The following NELL1 variants were observed in gnomAD, a reference collection of about 807,000 sequenced individuals.
NELL1 encodes neural EGFL like 1.
A neutral mutation model predicts 107.4 loss-of-function variants in NELL1; 76 were observed. The ratio of observed to expected loss-of-function variants is 0.71; its 90% confidence interval spans 0.59 to 0.86. The LOEUF (loss-of-function observed/expected upper bound fraction) is 0.86, where lower values mean the gene tolerates loss of function less well. NELL1 is among the 40% of genes least tolerant of loss of function. The pLI is 0.00. For synonymous variants in NELL1, 353 were observed against 341.2 expected, an observed-to-expected ratio of 1.03 and a Z score of -0.38; for missense variants, 1,024 against 1,005.5, an observed-to-expected ratio of 1.02 and a Z score of -0.25.
chr11:20,758,531 G>C (rs540313001), intron 2 of NELL1, among the ~76,000 whole-genome samples: 1 of 152,268 alleles, frequency 6.6e-6, no homozygotes, highest in African/African-American at 2.4e-5. Context: ...TTGTATCAGG[G>C]GTAGTGAGTG....
chr11:21,278,574 A>G (rs1326440424), intron 14 of NELL1, among the ~76,000 whole-genome samples: 1 of 152,166 alleles, frequency 6.6e-6, no homozygotes, highest in East Asian at 1.9e-4. Context: ...TTAGATTTAA[A>G]TCTAACAAAA....
At chr11:20,896,211 A>G (rs1031123074) in intron 5 of NELL1, among the ~76,000 whole-genome samples, 139 of 152,196 alleles carry the variant, frequency 9.1e-4, no homozygotes, top group African/African-American at 3.2e-3. Flanking sequence ...CTTAGCTCCC[A>G]CTTATAAGTG....
intron 12 of NELL1, among the ~76,000 whole-genome samples, chr11:21,101,459 T>G (rs1407297098): frequency 6.6e-6 from 1 of 152,174 alleles, no homozygotes; most frequent in Non-Finnish European, 1.5e-5. Context: ...CCAACAACAG[T>G]GTAAAAGTGT....
chr11:20,711,980 G>C lies in NELL1; in HGVS notation c.184+33920G>C, dbSNP rs147754648. Among the ~76,000 whole-genome samples the C allele has an allele frequency of 7.2e-5, 11 of 152,122 alleles. No homozygotes were observed. In the East Asian group the frequency reaches 1.7e-3, roughly 24 times the overall value. On this transcript the variant is annotated intron_variant, in intron 2 of 19. Transcript: ENST00000357134. The stretch of plus-strand genomic sequence containing the variant: ...AGATCTTTAGTTCTTTGAGCTTCTT[G>C]TCTAGCTGTCTAGATCTTTAGTAAG...
intron 15 of NELL1, among the ~76,000 whole-genome samples, chr11:21,374,385 T>G (rs1220697420): frequency 6.6e-6 from 1 of 151,894 alleles, no homozygotes; most frequent in East Asian, 1.9e-4. Context: ...GAGGCCTCAG[T>G]TTTTCATTTT....
At chr11:21,137,046 G>T (rs1217106111) in intron 13 of NELL1, among the ~76,000 whole-genome samples, 1 of 152,208 alleles carries the variant, frequency 6.6e-6, no homozygotes, top group Middle Eastern at 3.2e-3. Flanking sequence ...TCTTACAGAA[G>T]AGAGAAGGAG....
intron 15 of NELL1, among the ~76,000 whole-genome samples, chr11:21,417,327 CT>C (rs1852542038): frequency 6.6e-6 from 1 of 151,838 alleles, no homozygotes; most frequent in African/African-American, 2.4e-5. Context: ...CATTTCTTAC[CT>C]TTTTGGTGGT....
At chr11:20,820,000 G>A (rs1857714920) in intron 3 of NELL1, among the ~76,000 whole-genome samples, 1 of 152,162 alleles carries the variant, frequency 6.6e-6, no homozygotes, top group African/African-American at 2.4e-5. Flanking sequence ...ACTGGAGAGT[G>A]AGATAAGGTT....
intron 14 of NELL1, among the ~76,000 whole-genome samples, chr11:21,298,486 C>T (rs889975868): frequency 2.0e-5 from 3 of 152,030 alleles, no homozygotes; most frequent in Non-Finnish European, 4.4e-5. Flanking sequence ...TGATCTCTTA[C>T]TCTTTCTGGA....
chr11:20,817,600 T>C (rs1376709360), intron 3 of NELL1, among the ~76,000 whole-genome samples: 1 of 152,102 alleles, frequency 6.6e-6, no homozygotes, highest in East Asian at 1.9e-4. Context: ...TTTGGTTTTG[T>C]TGATCCTTTG....
At chr11:21,190,775 T>A (rs1190092139) in intron 13 of NELL1, among the ~76,000 whole-genome samples, 1 of 151,898 alleles carries the variant, frequency 6.6e-6, no homozygotes, top group African/African-American at 2.4e-5. Context: ...AAAGTGCAAC[T>A]GGGTGTCAAA....
chr11:21,334,677 T>C (rs1230532798), intron 14 of NELL1, among the ~76,000 whole-genome samples: 3 of 151,960 alleles, frequency 2.0e-5, no homozygotes, highest in African/African-American at 7.2e-5. Context: ...GGTATCTTAA[T>C]TTGGCTGCCT....
At chr11:20,931,861 C>T (rs79474191) in intron 9 of NELL1, among the ~76,000 whole-genome samples, 5,625 of 151,586 alleles carry the variant, frequency 0.037, 143 homozygotes, top group Middle Eastern at 0.092. Context: ...TCCCAAGCTT[C>T]TCTCTGACTT....
At chr11:20,870,565 C>T (rs7944016) in intron 4 of NELL1, among the ~76,000 whole-genome samples, 5,477 of 152,070 alleles carry the variant, frequency 0.036, 300 homozygotes, top group African/African-American at 0.13. Flanking sequence ...AGTACCTTAC[C>T]AGACATGGGC....
chr11:21,499,343 C>T (rs1855075986), intron 15 of NELL1, among the ~76,000 whole-genome samples: 2 of 152,004 alleles, frequency 1.3e-5, no homozygotes, highest in South Asian at 2.1e-4. Context: ...ACTGATAATG[C>T]TTCTATTATT....
Position 20,907,450 on chromosome 11 carries a change from C to T in NELL1, c.604-10732C>T, listed in dbSNP as rs546614959. Among the ~76,000 whole-genome samples the T allele has an allele frequency of 1.3e-4, 20 of 151,868 alleles. 1 individual carries two copies. The South Asian group carries it at 4.0e-3, about 30-fold the overall frequency. ...TTCTCCAAAGAAGATATACAAATGG[C>T]CAATAAGCACATGAAAAGATACTCA... On this transcript the variant is annotated intron_variant, in intron 5 of 19. Transcript: ENST00000357134.
chr11:20,704,976 A>G (rs958971778), intron 2 of NELL1, among the ~76,000 whole-genome samples: 8 of 152,184 alleles, frequency 5.3e-5, no homozygotes, highest in Non-Finnish European at 1.2e-4. Flanking sequence ...GACCGCTTCA[A>G]GGAGAACTAC....
chr11:21,446,141 C>T (rs1487069010), intron 15 of NELL1, among the ~76,000 whole-genome samples: 4 of 151,832 alleles, frequency 2.6e-5, no homozygotes, highest in African/African-American at 9.7e-5. Flanking sequence ...CTGATGCATT[C>T]TTCAGTATGT....
intron 10 of NELL1, among the ~76,000 whole-genome samples, chr11:20,938,922 C>CTG (rs1850785234): frequency 8.4e-6 from 1 of 118,642 alleles, no homozygotes; most frequent in African/African-American, 2.8e-5. Context: ...CTCTCTCTCT[C>CTG]TCTCTCTCTC....
Sources: allele counts gnomAD v4.1 joint callset (sites outside exome capture counted in the v4.1 genomes callset), GRCh38; gene constraint gnomAD v4.1.1; transcripts MANE v1.5; gene names NCBI Gene and HGNC (gene_info 2026-07-23, HGNC 2026-07-21).